The following RBM19 variants were observed in gnomAD, a reference collection of about 807,000 sequenced individuals.
RBM19 encodes probable RNA-binding protein 19.
A neutral mutation model predicts 116.8 loss-of-function variants in RBM19; 94 were observed. The observed-to-expected ratio is 0.80, with a 90% CI of 0.68 to 0.95. The LOEUF (loss-of-function observed/expected upper bound fraction) is 0.95, where lower values mean the gene tolerates loss of function less well. Among genes scored for constraint, RBM19 ranks in the 40% least tolerant of loss-of-function variants. The probability of loss-of-function intolerance (pLI) is 0.00; values close to 1 mark genes in which losing one functional copy is unlikely to be tolerated. For synonymous variants in RBM19, 475 were observed against 494.1 expected (o/e 0.96, Z 0.51); for missense variants, 1,161 against 1,220.7 (o/e 0.95, Z 0.73).
chr12:113,904,885 C>T (rs1194158020), intron 21 of RBM19, among the ~76,000 whole-genome samples: 1 of 152,182 alleles, frequency 6.6e-6, no homozygotes, highest in East Asian at 1.9e-4. Flanking sequence ...CAGCTAGCTG[C>T]TTAGGACCTA....
At chr12:113,908,534 C>A (rs1408906308) in intron 21 of RBM19, among the ~76,000 whole-genome samples, 1 of 129,180 alleles carries the variant, frequency 7.7e-6, no homozygotes. Context: ...CGCCCATTCA[C>A]ACCCTAGCAG....
intron 21 of RBM19, among the ~76,000 whole-genome samples, chr12:113,902,520 G>A (rs994763457): frequency 6.7e-6 from 1 of 148,248 alleles, no homozygotes; most frequent in South Asian, 2.2e-4. Flanking sequence ...GATCCCTTGA[G>A]CCCAGGAGTT....
chr12:113,890,546 C>T (rs747464708), intron 21 of RBM19, among the ~76,000 whole-genome samples: 19 of 152,226 alleles, frequency 1.2e-4, no homozygotes, highest in Non-Finnish European at 2.2e-4. Flanking sequence ...AACACGCTGC[C>T]GATCACCCCC....
intron 23 of RBM19, among the ~76,000 whole-genome samples, chr12:113,832,305 T>C (rs1875495916): frequency 6.6e-6 from 1 of 152,066 alleles, no homozygotes; most frequent in African/African-American, 2.4e-5. Context: ...TTCTCCTGCC[T>C]CAGCCTCCTG....
intron 11 of RBM19, among the ~76,000 whole-genome samples, 188 bp downstream of exon 11, chr12:113,947,146 C>A (rs1218283807): frequency 6.6e-6 from 1 of 152,198 alleles, no homozygotes; most frequent in Non-Finnish European, 1.5e-5. Flanking sequence ...ACAGATCAGA[C>A]CGTGCCCTCA....
intron 21 of RBM19, among the ~76,000 whole-genome samples, chr12:113,904,992 G>A (rs984251884): frequency 1.3e-5 from 2 of 152,202 alleles, no homozygotes; most frequent in African/African-American, 2.4e-5. Flanking sequence ...CCACTTCCGT[G>A]GCTGACGCCT....
At chr12:113,917,437 G>A (rs1168692232) in intron 20 of RBM19, among the ~76,000 whole-genome samples, 1 of 152,154 alleles carries the variant, frequency 6.6e-6, no homozygotes, top group Non-Finnish European at 1.5e-5. Flanking sequence ...TATACTGGCA[G>A]CTCAGGAACC....
chr12:113,902,107 C>T (rs1046196321), intron 21 of RBM19, among the ~76,000 whole-genome samples: 1 of 152,082 alleles, frequency 6.6e-6, no homozygotes, highest in Non-Finnish European at 1.5e-5. Flanking sequence ...TAATAATTGA[C>T]CTTATTCAGA....
In RBM19 at chr12:113,939,967, T is replaced by C; in HGVS notation, c.1931A>G (p.Tyr644Cys). 6.2e-7 allele frequency: 1 copy of C among 1,613,970 alleles called. No homozygotes were observed. The highest frequency in any genetic ancestry group is 2.2e-5 in the East Asian group (1 of 44,862). ...EARKAFRHLA[Y>C]SKFHHVPLYL... Reference sequence around the variant, plus strand: ...GGTCTCCAGCAGCCCTACCTTGGAATAGGCCAGATGCCTGAAGGCCTTGCG... The same window carrying C: ...GGTCTCCAGCAGCCCTACCTTGGAACAGGCCAGATGCCTGAAGGCCTTGCG... Residue 644 changes from tyrosine (Y) to cysteine (C), a missense_variant, in exon 15 of 24, where the codon TAT becomes TGT. Physicochemically the swap from Tyr to Cys is radical, Grantham distance 194. Transcript: ENST00000261741.
At chr12:113,851,358 T>G (rs2135728378) in intron 22 of RBM19, among the ~76,000 whole-genome samples, 1 of 152,264 alleles carries the variant, frequency 6.6e-6, no homozygotes, top group South Asian at 2.1e-4. Flanking sequence ...GAGCTGATTG[T>G]GAGGCAAACA....
chr12:113,825,962 G>A lies in RBM19; in HGVS notation c.2786-2641C>T, dbSNP rs1027344348. ...GGGGAAAAGCTAAAGCTGTCACGTC[G>A]GCTGCCAGGGCTACTGAGCAGGCCC... On this transcript the variant is annotated intron_variant, in intron 23 of 23. Transcript: ENST00000261741. The surrounding 1 kb of genome is among the most constrained non-coding windows in gnomAD (Gnocchi z 5.7). 8.5e-5 allele frequency among the ~76,000 whole-genome samples: 13 copies of A among 152,134 alleles called. No homozygotes were observed. The highest frequency in any genetic ancestry group is 2.9e-4 in the African/African-American group (12 of 41,420).
Position 113,966,258 on chromosome 12 carries a change from C to T in RBM19, c.-31G>A. 1 of 1,613,794 alleles carries T rather than the reference C, an allele frequency of 6.2e-7. No homozygotes were observed. The highest frequency in any genetic ancestry group is 8.5e-7 in the Non-Finnish European group (1 of 1,179,976). ...AGGGTCCCCGCTGTTTTGATTCCAACACGACTGGTCAGCGTCTTCCACCAA... is the reference window on the plus strand; with the variant it reads ...AGGGTCCCCGCTGTTTTGATTCCAATACGACTGGTCAGCGTCTTCCACCAA... On this transcript the variant is annotated 5_prime_UTR_variant, in exon 1 of 24. Coordinates refer to ENST00000261741, the MANE Select transcript of RBM19 (RefSeq NM_016196.4).
chr12:113,820,837 C>T (rs569896469), downstream of RBM19, among the ~76,000 whole-genome samples: 22 of 152,286 alleles, frequency 1.4e-4, no homozygotes, highest in East Asian at 3.9e-4. Context: ...CCAGGCCTGG[C>T]GAGTGGCTGG....
chr12:113,896,341 G>A (rs1338110489), intron 21 of RBM19, among the ~76,000 whole-genome samples: 1 of 152,162 alleles, frequency 6.6e-6, no homozygotes, highest in Non-Finnish European at 1.5e-5. Flanking sequence ...CCCATCACGT[G>A]AGGTGCTTAG....
At chr12:113,953,203 T>C (rs11066849) in intron 7 of RBM19, among the ~76,000 whole-genome samples, 7,098 of 152,258 alleles carry the variant, frequency 0.047, 522 homozygotes, top group African/African-American at 0.16. Context: ...AGAGAAGATA[T>C]ATTGGCCAGG....
intron 21 of RBM19, among the ~76,000 whole-genome samples, chr12:113,901,186 A>C (rs956587456): frequency 6.6e-6 from 1 of 152,218 alleles, no homozygotes; most frequent in Non-Finnish European, 1.5e-5. Flanking sequence ...AAATGTACTT[A>C]CTAGGTCAGC....
At chr12:113,850,077 G>T (rs1877334361) in intron 22 of RBM19, among the ~76,000 whole-genome samples, 1 of 152,240 alleles carries the variant, frequency 6.6e-6, no homozygotes, top group Admixed American at 6.5e-5. Flanking sequence ...GCCTAAGGGA[G>T]ATGACAGTTC....
chr12:113,904,700 G>A (rs1050525005), intron 21 of RBM19, among the ~76,000 whole-genome samples: 11 of 152,192 alleles, frequency 7.2e-5, no homozygotes, highest in Non-Finnish European at 1.2e-4. Flanking sequence ...TAGACACACG[G>A]CCAGATGGGT....
chr12:113,874,117 C>T (rs1373946360), intron 21 of RBM19, among the ~76,000 whole-genome samples: 2 of 152,218 alleles, frequency 1.3e-5, no homozygotes, highest in South Asian at 2.1e-4. Context: ...TTTGTCACCT[C>T]GATGTTATGG....
Sources: gnomAD v4.1 joint callset for allele counts (sites outside exome capture counted in the v4.1 genomes callset) on GRCh38, gnomAD v4.1.1 for gene constraint, Gnocchi (gnomAD v3.1) non-coding constraint, MANE v1.5 for transcripts, NCBI Gene and HGNC (gene_info 2026-07-23, HGNC 2026-07-21) for gene names.